GPR39: variants seen among roughly 807,000 people sequenced by gnomAD.
GPR39 encodes G protein-coupled receptor 39.
In GPR39, 23 loss-of-function variants were observed where a neutral mutation model predicts 18.4. That is an observed-to-expected ratio of 1.25 (90% confidence interval 0.90 to 1.77). The LOEUF is 1.77. Among genes scored for constraint, GPR39 ranks in the 40% most tolerant of loss-of-function variants. The pLI is 0.00. For synonymous variants in GPR39, 280 were observed against 257.9 expected (o/e 1.09, Z -0.82); for missense variants, 647 against 602.4 (o/e 1.07, Z -0.78).
chr2:132,449,927 C>T (rs1680604150), intron 1 of GPR39, among the ~76,000 whole-genome samples: 1 of 152,166 alleles, frequency 6.6e-6, no homozygotes, highest in African/African-American at 2.4e-5. Flanking sequence ...CTGGTACAAT[C>T]TCCTACAGGC....
intron 1 of GPR39, among the ~76,000 whole-genome samples, chr2:132,519,636 G>A (rs1460543537): frequency 6.6e-6 from 1 of 152,088 alleles, no homozygotes; most frequent in Non-Finnish European, 1.5e-5. Context: ...CTAATGAAAT[G>A]GGATGCCCAG....
At chr2:132,473,298 G>T (rs1270584337) in intron 1 of GPR39, among the ~76,000 whole-genome samples, 1 of 152,076 alleles carries the variant, frequency 6.6e-6, no homozygotes, top group Non-Finnish European at 1.5e-5. Context: ...AGTATTTGTG[G>T]CATTTATCTC....
intron 1 of GPR39, among the ~76,000 whole-genome samples, chr2:132,541,326 C>T (rs960975463): frequency 6.6e-6 from 1 of 152,096 alleles, no homozygotes; most frequent in African/African-American, 2.4e-5. Context: ...TCAGATGATC[C>T]ACCCGCCTCA....
Position 132,635,089 on chromosome 2 carries a change from C to G in GPR39, c.857-10012C>G, listed in dbSNP as rs567360492. Among the ~76,000 whole-genome samples, 24 of 152,188 alleles carry G rather than the reference C, an allele frequency of 1.6e-4. 1 individual carries two copies. The South Asian group carries it at 4.4e-3, about 28-fold the overall frequency. On this transcript the variant is annotated intron_variant, in intron 1 of 1. Transcript: ENST00000329321. ...AGAAAGTGATCCCTTCTCTCCATTC[C>G]CACTCTTTCTTTTTCTTCCTCTAAG... is the stretch of plus-strand genomic sequence containing the variant.
intron 1 of GPR39, among the ~76,000 whole-genome samples, chr2:132,516,707 C>G (rs1679341174): frequency 6.6e-6 from 1 of 152,202 alleles, no homozygotes; most frequent in Non-Finnish European, 1.5e-5. Flanking sequence ...TCCCTGCTTA[C>G]AGCTGGAACG....
chr2:132,553,009 T>C (rs1680076748), intron 1 of GPR39, among the ~76,000 whole-genome samples: 2 of 151,236 alleles, frequency 1.3e-5, no homozygotes, highest in Admixed American at 1.3e-4. Context: ...CCCTGCAACC[T>C]CCACCTCCCA....
chr2:132,511,670 G>A (rs925750470), intron 1 of GPR39, among the ~76,000 whole-genome samples: 2 of 152,098 alleles, frequency 1.3e-5, no homozygotes, highest in Admixed American at 1.3e-4. Context: ...GCCAGGTGAG[G>A]GTGCAGGACC....
chr2:132,565,932 G>A (rs1680343030), intron 1 of GPR39, among the ~76,000 whole-genome samples: 1 of 143,424 alleles, frequency 7.0e-6, no homozygotes. Context: ...GGGATGGCTG[G>A]GTCAAATGGT....
At chr2:132,585,946 C>T (rs898733542) in intron 1 of GPR39, among the ~76,000 whole-genome samples, 1 of 53,754 alleles carries the variant, frequency 1.9e-5, no homozygotes, top group African/African-American at 8.3e-5. Context: ...GAAGCATCCC[C>T]GGTTTTTTTT....
At chr2:132,533,961 G>A (rs556450293) in intron 1 of GPR39, among the ~76,000 whole-genome samples, 13 of 152,264 alleles carry the variant, frequency 8.5e-5, no homozygotes, top group South Asian at 4.1e-4. Context: ...AACACCAAAA[G>A]CAATGGCAAC....
intron 1 of GPR39, among the ~76,000 whole-genome samples, chr2:132,553,200 AC>A (rs1680081456): frequency 6.6e-6 from 1 of 151,440 alleles, no homozygotes; most frequent in Non-Finnish European, 1.5e-5. Context: ...GGCATGAGCC[AC>A]CACGCCCAGC....
chr2:132,524,365 C>A (rs1679473807), intron 1 of GPR39, among the ~76,000 whole-genome samples: 1 of 152,214 alleles, frequency 6.6e-6, no homozygotes, highest in East Asian at 1.9e-4. Context: ...TCCATAAGCT[C>A]AGGACACCTG....
chr2:132,480,855 T>C (rs148786541), intron 1 of GPR39, among the ~76,000 whole-genome samples: 1 of 152,318 alleles, frequency 6.6e-6, no homozygotes, highest in East Asian at 1.9e-4. Context: ...CATGTTTCTA[T>C]GTGTTTGACC....
rs756802505 is a variant in GPR39, at chr2:132,417,531, C to T, written c.489C>T (p.Ser163=). ...KLLIGFVWVT[S]ALVALPLLFA... ...TGATTGGCTTCGTCTGGGTCACCTC[C>T]GCCCTGGTGGCACTGCCCTTGCTGT... The change falls in exon 1 of 2, where the codon TCC becomes TCT. Residue 163 remains serine (S), a synonymous_variant. Coordinates refer to ENST00000329321, the MANE Select transcript of GPR39 (RefSeq NM_001508.3). 1.9e-6 allele frequency: 3 copies of T among 1,614,202 alleles called. No homozygotes were observed. Among genetic ancestry groups the T allele is most frequent in the Non-Finnish European group, 2.5e-6 (3 of 1,180,042 alleles).
At chr2:132,469,013 G>A (rs752689840) in intron 1 of GPR39, among the ~76,000 whole-genome samples, 3 of 152,206 alleles carry the variant, frequency 2.0e-5, no homozygotes, top group Non-Finnish European at 2.9e-5. Flanking sequence ...CCTTGGCAGC[G>A]ATTCTGAATC....
chr2:132,509,042 G>C (rs770765387), intron 1 of GPR39, among the ~76,000 whole-genome samples: 3 of 152,200 alleles, frequency 2.0e-5, no homozygotes, highest in African/African-American at 2.4e-5. Flanking sequence ...GAAGGGAGAC[G>C]GGCATCAGAA....
At chr2:132,567,659 C>A (rs938013811) in intron 1 of GPR39, among the ~76,000 whole-genome samples, 2 of 152,126 alleles carry the variant, frequency 1.3e-5, no homozygotes, top group African/African-American at 4.8e-5. Context: ...GCTAAGATAC[C>A]AGCAGAACCT....
At chr2:132,554,141 A>G (rs1006449417) in intron 1 of GPR39, among the ~76,000 whole-genome samples, 1 of 152,180 alleles carries the variant, frequency 6.6e-6, no homozygotes, top group Non-Finnish European at 1.5e-5. Flanking sequence ...ATCCAAAGCA[A>G]GCTGAATGGA....
chr2:132,463,079 G>T (rs575049564), intron 1 of GPR39, among the ~76,000 whole-genome samples: 6 of 152,164 alleles, frequency 3.9e-5, no homozygotes, highest in Admixed American at 1.3e-4. Flanking sequence ...CCTCTGTCGT[G>T]CACCAGGCAC....
Sources: allele counts gnomAD v4.1 joint callset (sites outside exome capture counted in the v4.1 genomes callset), GRCh38; gene constraint gnomAD v4.1.1; transcripts MANE v1.5; gene names NCBI Gene and HGNC (gene_info 2026-07-23, HGNC 2026-07-21).